Variants in SNTG2 observed in about 807,000 individuals in gnomAD.
The protein encoded by SNTG2 is gamma-2-syntrophin.
A neutral mutation model predicts 70.9 loss-of-function variants in SNTG2; 74 were observed. The observed-to-expected ratio is 1.04, with a 90% CI of 0.86 to 1.27. SNTG2 has a LOEUF of 1.27. Ranked by LOEUF, SNTG2 falls within the 50% of genes most tolerant of loss-of-function variation. The pLI is 0.00. For synonymous variants in SNTG2, 278 were observed against 273.8 expected, an observed-to-expected ratio of 1.02 and a Z score of -0.15; for missense variants, 717 against 690.7, an observed-to-expected ratio of 1.04 and a Z score of -0.43.
intron 14 of SNTG2, among the ~76,000 whole-genome samples, chr2:1,276,182 C>A (rs1279840056): frequency 2.0e-5 from 3 of 152,216 alleles, no homozygotes; most frequent in African/African-American, 4.8e-5. Flanking sequence ...TCCAGAAGAT[C>A]CAGCTAACAA....
intron 6 of SNTG2, among the ~76,000 whole-genome samples, chr2:1,143,309 T>C (rs1264103839): frequency 2.0e-5 from 3 of 152,128 alleles, no homozygotes; most frequent in Non-Finnish European, 1.5e-5. Context: ...TTCAGGGAAA[T>C]CCTGAAGCTC....
At chr2:1,219,339 T>C (rs1674600506) in intron 9 of SNTG2, among the ~76,000 whole-genome samples, 1 of 151,236 alleles carries the variant, frequency 6.6e-6, no homozygotes, top group African/African-American at 2.4e-5. Flanking sequence ...TTATAAATTA[T>C]CCAGTCTTGC....
intron 1 of SNTG2, among the ~76,000 whole-genome samples, chr2:956,160 GCCCTGCAC>G (rs1660142486): frequency 1.7e-5 from 1 of 59,972 alleles, no homozygotes; most frequent in Non-Finnish European, 3.2e-5. Context: ...CCCTGCCCCT[GCCCTGCAC>G]CTACCCCTGC....
chr2:1,163,983 C>T (rs1198326208), intron 6 of SNTG2, among the ~76,000 whole-genome samples: 5 of 152,198 alleles, frequency 3.3e-5, no homozygotes, highest in Non-Finnish European at 1.5e-5. Context: ...CATCAGGTGT[C>T]TTAGGGAGCT....
intron 6 of SNTG2, among the ~76,000 whole-genome samples, chr2:1,155,095 A>AACATACACACATACAC (rs1669781505): frequency 1.3e-5 from 2 of 149,770 alleles, no homozygotes. Flanking sequence ...CCATACATTA[A>AACATACACACATACAC]ACATACACAC....
chr2:1,004,311 A>T (rs1004083440), intron 1 of SNTG2, among the ~76,000 whole-genome samples: 1 of 152,260 alleles, frequency 6.6e-6, no homozygotes, highest in Non-Finnish European at 1.5e-5. Flanking sequence ...AGTACAATCC[A>T]TGAAAGAAAT....
intron 14 of SNTG2, among the ~76,000 whole-genome samples, chr2:1,288,958 T>TA (rs1373014369): frequency 1.3e-5 from 2 of 152,260 alleles, no homozygotes; most frequent in South Asian, 2.1e-4. Flanking sequence ...GGTCTACTCT[T>TA]ACGCCTGATT....
At chr2:1,053,505 G>T (rs1197494359) in intron 1 of SNTG2, among the ~76,000 whole-genome samples, 1 of 109,394 alleles carries the variant, frequency 9.1e-6, no homozygotes, top group Non-Finnish European at 1.7e-5. Flanking sequence ...CAGCTAAGTT[G>T]TGTCTCCTTG....
chr2:1,018,871 C>T (rs941430123), intron 1 of SNTG2, among the ~76,000 whole-genome samples: 4 of 152,212 alleles, frequency 2.6e-5, no homozygotes, highest in African/African-American at 9.6e-5. Flanking sequence ...AGGGTTGGCT[C>T]CCAGCAGGTG....
intron 1 of SNTG2, among the ~76,000 whole-genome samples, chr2:1,082,977 TC>T (rs1664433320): frequency 6.6e-6 from 1 of 152,132 alleles, no homozygotes; most frequent in African/African-American, 2.4e-5. Flanking sequence ...CCTGGCCTGT[TC>T]CCCAGCTCCC....
Position 1,091,007 on chromosome 2 carries a change from CACCT to C in SNTG2, c.211-7188_211-7185del. 2.0e-5 allele frequency among the ~76,000 whole-genome samples: 3 copies of C among 152,308 alleles called. No homozygotes were observed. The Middle Eastern group carries it at 0.01, about 518-fold the overall frequency. On this transcript the variant is annotated intron_variant, in intron 2 of 16. Coordinates refer to ENST00000308624, the MANE Select transcript of SNTG2 (RefSeq NM_018968.4). The stretch of plus-strand genomic sequence containing the variant: ...CATTTTAGAGAGAAAGTGTAACAAC[CACCT>C]GACCACCACCTGATGGTCGCCTGAC...
intron 14 of SNTG2, among the ~76,000 whole-genome samples, chr2:1,283,316 G>A (rs112315593): frequency 7.2e-5 from 11 of 152,248 alleles, no homozygotes; most frequent in African/African-American, 2.6e-4. Context: ...CTGCCAATCC[G>A]GCTGCTTGGG....
chr2:1,019,742 G>T (rs61704175), intron 1 of SNTG2, among the ~76,000 whole-genome samples: 55,633 of 151,920 alleles, frequency 0.37, 11,065 homozygotes, highest in Middle Eastern at 0.52. Context: ...CGAGGTGGGC[G>T]ACCTGGTATT....
At chr2:1,333,446 A>G (rs1400141443) in intron 16 of SNTG2, among the ~76,000 whole-genome samples, 1 of 152,226 alleles carries the variant, frequency 6.6e-6, no homozygotes, top group Non-Finnish European at 1.5e-5. Flanking sequence ...AAGCAAACCT[A>G]AAATTTATGT....
At chr2:1,352,456 C>T (rs561063325) in intron 16 of SNTG2, among the ~76,000 whole-genome samples, 1 of 152,302 alleles carries the variant, frequency 6.6e-6, no homozygotes, top group African/African-American at 2.4e-5. Context: ...GTGCAGGCCT[C>T]CTCCTAGCAG....
intron 9 of SNTG2, among the ~76,000 whole-genome samples, chr2:1,211,175 T>C (rs982141917): frequency 3.9e-5 from 6 of 152,232 alleles, no homozygotes; most frequent in African/African-American, 9.6e-5. Context: ...AAGTGTGTGC[T>C]TGTGGCTTTC....
chr2:1,242,767 A>G (rs937865771), intron 11 of SNTG2: 4 of 152,234 alleles, frequency 2.6e-5, no homozygotes, highest in Admixed American at 2.6e-4. Context: ...GCATGTTATC[A>G]TCTGGTGGAC....
chr2:1,149,039 A>C (rs1475451057), intron 6 of SNTG2, among the ~76,000 whole-genome samples: 1 of 152,250 alleles, frequency 6.6e-6, no homozygotes, highest in Non-Finnish European at 1.5e-5. Flanking sequence ...CCAGGGTTAC[A>C]AAATTATTCC....
chr2:1,181,186 G>T (rs545138939), intron 8 of SNTG2, among the ~76,000 whole-genome samples: 92 of 151,762 alleles, frequency 6.1e-4, no homozygotes, highest in African/African-American at 2.1e-3. Flanking sequence ...CCTGCACATT[G>T]TGCACATGTA....
Sources: gnomAD v4.1 joint callset for allele counts (sites outside exome capture counted in the v4.1 genomes callset) on GRCh38, gnomAD v4.1.1 for gene constraint, MANE v1.5 for transcripts, NCBI Gene and HGNC (gene_info 2026-07-23, HGNC 2026-07-21) for gene names.